Variants in TET3 observed in about 807,000 individuals in gnomAD.
TET3 encodes tet methylcytosine dioxygenase 3.
Under a neutral mutation model 141.4 loss-of-function variants are expected in TET3, and 19 were observed. The observed-to-expected ratio is 0.13, with a 90% CI of 0.09 to 0.20. The LOEUF (loss-of-function observed/expected upper bound fraction) is 0.20, where lower values mean the gene tolerates loss of function less well. Ranked by LOEUF, TET3 falls within the 10% of genes least tolerant of loss-of-function variation. The pLI is 1.00. For synonymous variants in TET3, 1,043 were observed against 980.9 expected, an observed-to-expected ratio of 1.06 and a Z score of -1.18; for missense variants, 1,874 against 2,356.9, an observed-to-expected ratio of 0.80 and a Z score of 4.24.
intron 6 of TET3, among the ~76,000 whole-genome samples, chr2:74,084,765 G>C (rs1170737075): frequency 1.3e-5 from 2 of 151,988 alleles, no homozygotes; most frequent in Non-Finnish European, 1.5e-5. Flanking sequence ...GTGAGACCCC[G>C]TTTCTACTAA....
At chr2:74,067,067 A>G (rs762848344) in intron 4 of TET3, among the ~76,000 whole-genome samples, 1 of 152,008 alleles carries the variant, frequency 6.6e-6, no homozygotes, top group South Asian at 2.1e-4. Flanking sequence ...CACTGCCTCC[A>G]TCACCCACAT....
At chr2:74,127,843 A>T in the TET3 span, among the ~76,000 whole-genome samples, 2 of 152,324 alleles carry the variant, frequency 1.3e-5, no homozygotes, top group Admixed American at 6.5e-5. Flanking sequence ...ACAGATGAAG[A>T]TACGTGATAC....
At chr2:74,024,105 T>C (rs1175549539) in intron 3 of TET3, among the ~76,000 whole-genome samples, 1 of 152,258 alleles carries the variant, frequency 6.6e-6, no homozygotes, top group Non-Finnish European at 1.5e-5. Context: ...TCTTTAGATA[T>C]GTAGTTGTGT....
intron 2 of TET3, among the ~76,000 whole-genome samples, chr2:73,991,629 C>G (rs539260487): frequency 4.0e-5 from 6 of 151,726 alleles, no homozygotes; most frequent in Admixed American, 3.3e-4. Flanking sequence ...GTGCCTGGGC[C>G]CCACTCCCAA....
At chr2:74,027,772 G>A (rs1222866537) in intron 3 of TET3, among the ~76,000 whole-genome samples, 3 of 152,012 alleles carry the variant, frequency 2.0e-5, no homozygotes, top group Non-Finnish European at 4.4e-5. Context: ...TTAGTCACTG[G>A]ACATGTAGGT....
chr2:74,045,861 C>T (rs934912266), intron 3 of TET3, among the ~76,000 whole-genome samples: 1 of 152,208 alleles, frequency 6.6e-6, no homozygotes, highest in Non-Finnish European at 1.5e-5. Context: ...ACTTAGAGCA[C>T]GTGTGTACAC....
Position 74,101,596 on chromosome 2 carries a change from G to C in TET3, c.4808G>C (p.Trp1603Ser). Residue 1603 changes from tryptophan to serine, a missense_variant, in exon 12 of 12, where the codon TGG (tryptophan) becomes TCG (serine). Physicochemically the swap from Trp to Ser is radical, Grantham distance 177. Transcript: ENST00000409262. This position sits in a 1 kb window ranked among gnomAD's most constrained non-coding sequence, Gnocchi z 8.5. ...FGALKSEEKLWDPFSLEEGPA... is the reference protein window; with the variant it reads ...FGALKSEEKLSDPFSLEEGPA... Reference sequence around the variant, plus strand: ...GCTCTGAAGTCAGAGGAGAAGCTGTGGGACCCCTTCAGCCTGGAGGAGGGG... The same window carrying C: ...GCTCTGAAGTCAGAGGAGAAGCTGTCGGACCCCTTCAGCCTGGAGGAGGGG... 6.2e-7 allele frequency: 1 copy of C among 1,610,800 alleles called. No individual in the cohort carries two copies. The highest frequency in any genetic ancestry group is 8.5e-7 in the Non-Finnish European group (1 of 1,178,470).
chr2:73,987,482 C>T (rs886837979), intron 2 of TET3, among the ~76,000 whole-genome samples: 2 of 152,140 alleles, frequency 1.3e-5, no homozygotes, highest in East Asian at 1.9e-4. Context: ...TTGCATTGGC[C>T]GTCTTTCCCT....
chr2:74,092,404 T>G (rs1240045722), intron 8 of TET3, among the ~76,000 whole-genome samples: 1 of 152,118 alleles, frequency 6.6e-6, no homozygotes, highest in Non-Finnish European at 1.5e-5. Context: ...TTGAAGTCTG[T>G]CTGTATTCCT....
At chr2:74,048,780 G>T (rs1225845249) in intron 4 of TET3, among the ~76,000 whole-genome samples, 8 of 152,204 alleles carry the variant, frequency 5.3e-5, no homozygotes, top group Admixed American at 4.6e-4. Context: ...GGCTATGAGG[G>T]AGTGGAACTT....
At chr2:74,124,772 G>A in the TET3 span, among the ~76,000 whole-genome samples, 2 of 152,062 alleles carry the variant, frequency 1.3e-5, no homozygotes, top group African/African-American at 4.8e-5. Context: ...CAAGTACCCA[G>A]GGACACAAAC....
chr2:74,122,504 TA>T, the TET3 span: 5 of 83,972 alleles, frequency 6.0e-5, no homozygotes, highest in African/African-American at 1.7e-4. Context: ...TATATATATA[TA>T]TATATATTTT....
intron 3 of TET3, among the ~76,000 whole-genome samples, chr2:74,022,276 G>A (rs1686091542): frequency 6.6e-6 from 1 of 151,520 alleles, no homozygotes; most frequent in South Asian, 2.1e-4. Flanking sequence ...TTTTCTTTGT[G>A]AATATATTTT....
chr2:74,049,957 T>C (rs1029559354), intron 4 of TET3, among the ~76,000 whole-genome samples: 1 of 152,110 alleles, frequency 6.6e-6, no homozygotes, highest in Non-Finnish European at 1.5e-5. Context: ...TCGAGGGCCC[T>C]CTTATTTACC....
chr2:74,048,299 C>T lies in TET3; in HGVS notation c.2382C>T (p.Thr794=), dbSNP rs1687759008. The T allele has an allele frequency of 8.1e-6, 13 of 1,613,872 alleles. No homozygotes were observed. Among genetic ancestry groups the T allele is most frequent in the Non-Finnish European group, 1.1e-5 (13 of 1,179,848 alleles). Residue 794 remains threonine, a synonymous_variant, in exon 4 of 12, where the codon ACC becomes ACT. Transcript: ENST00000409262. ...PTKAENPLTP[T]LSGFLESPLK... is the part of the protein sequence containing the mutation. The stretch of plus-strand genomic sequence containing the variant: ...AGGCTGAGAACCCACTCACACCCAC[C>T]CTCAGTGGCTTCTTGGAGTCACCTC...
intron 10 of TET3, among the ~76,000 whole-genome samples, chr2:74,095,526 G>A (rs994309280): frequency 6.6e-6 from 1 of 152,228 alleles, no homozygotes; most frequent in South Asian, 2.1e-4. Context: ...AAGGTTGCCT[G>A]AAATCTCAGA....
intron 2 of TET3, among the ~76,000 whole-genome samples, chr2:73,992,587 T>G (rs896742624): frequency 1.3e-5 from 2 of 152,180 alleles, no homozygotes; most frequent in Non-Finnish European, 2.9e-5. Flanking sequence ...GTGCTGGGAT[T>G]ACAGGCGTGA....
At chr2:74,050,265 C>T (rs1000677062) in intron 4 of TET3, among the ~76,000 whole-genome samples, 6 of 152,168 alleles carry the variant, frequency 3.9e-5, no homozygotes, top group Non-Finnish European at 8.8e-5. Flanking sequence ...TTTCTGCTTC[C>T]TCATATGTAG....
Position 74,100,393 on chromosome 2 carries a change from G to C in TET3, c.3605G>C (p.Gly1202Ala), listed in dbSNP as rs1203876812. Residue 1202 changes from glycine (G) to alanine (A), a missense_variant and splice_region_variant, in exon 12 of 12, where the codon GGC (glycine) becomes GCC (alanine). By Grantham distance (60) the Gly-to-Ala change is moderately conservative. This residue lies in a region of TET3 where 602 missense variants were observed against 590.2 expected (regional missense o/e 1.02). Transcript: ENST00000409262. ...GCCATCTTGCCTTCTGTTTCCCCAG[G>C]CCTGTCTCTGAAGGGTGGATTGTCC... ...LELAGITSDP[G>A]LSLKGGLSQQ... 6.4e-7 allele frequency: 1 copy of C among 1,558,428 alleles called. No homozygotes were observed. The highest frequency in any genetic ancestry group is 1.4e-5 in the African/African-American group (1 of 73,402).
Sources: gnomAD v4.1 joint callset for allele counts (sites outside exome capture counted in the v4.1 genomes callset) on GRCh38, gnomAD v4.1.1 for gene constraint, gnomAD v4.1.1 regional missense constraint, Gnocchi (gnomAD v3.1) non-coding constraint, MANE v1.5 for transcripts, NCBI Gene and HGNC (gene_info 2026-07-23, HGNC 2026-07-21) for gene names.